The following KIF3A variants were observed in gnomAD, a reference collection of about 807,000 sequenced individuals.
KIF3A encodes kinesin family member 3A, also known as kinesin-like protein KIF3A.
KIF3A carries 27 observed loss-of-function variants against 92.6 expected under a neutral mutation model. That is an observed-to-expected ratio of 0.29 (90% CI 0.21 to 0.40). The LOEUF (loss-of-function observed/expected upper bound fraction) is 0.40. Ranked by LOEUF, KIF3A falls within the 10% of genes least tolerant of loss-of-function variation. The probability of loss-of-function intolerance (pLI) is 1.00; values close to 1 mark genes in which losing one functional copy is unlikely to be tolerated. For synonymous variants in KIF3A, 250 were observed against 275.4 expected (o/e 0.91, Z 0.92); for missense variants, 581 against 872.6 (o/e 0.67, Z 4.21).
intron 4 of KIF3A, among the ~76,000 whole-genome samples, chr5:132,721,118 C>A (rs551894718): frequency 1.3e-5 from 2 of 151,746 alleles, no homozygotes; most frequent in African/African-American, 4.8e-5. Context: ...ATTAACAAAC[C>A]GAAAAAGACA....
At chr5:132,690,350 C>A (rs1222887918), downstream of KIF3A, among the ~76,000 whole-genome samples, 3 of 152,098 alleles carry the variant, frequency 2.0e-5, no homozygotes, top group African/African-American at 7.2e-5. Flanking sequence ...ATGAACGCAC[C>A]ACTGCACTCA....
chr5:132,707,955 C>A (rs941533998), intron 10 of KIF3A, among the ~76,000 whole-genome samples: 1 of 152,194 alleles, frequency 6.6e-6, no homozygotes, highest in East Asian at 1.9e-4. Context: ...ATAAAATCCA[C>A]GTGATTCTGC....
chr5:132,735,997 C>T (rs962895519), intron 1 of KIF3A, among the ~76,000 whole-genome samples: 11 of 152,244 alleles, frequency 7.2e-5, no homozygotes, highest in African/African-American at 2.4e-4. Context: ...TCTTCAATCC[C>T]CTCTTCACTT....
At position 132,692,796 on chromosome 5, in the gene KIF3A, T is replaced by C. The variant is rs1752701092; in HGVS notation, c.*3838A>G. On this transcript the variant is annotated 3_prime_UTR_variant, in exon 19 of 19. Transcript: ENST00000403231. ...TTGTAATTTTGGCCAGCATACAGTA[T>C]TATAGTAATGCTACTGAAGTTATTC... is the stretch of plus-strand genomic sequence containing the variant. 6.5e-6 allele frequency: 1 copy of C among 152,734 alleles called. No individual in the cohort carries two copies. The allele number at this position is 152,734 out of a possible 1,614,324, so 9.5% of individuals were successfully genotyped here.
intron 2 of KIF3A, among the ~76,000 whole-genome samples, chr5:132,733,680 T>C (rs1581104248): frequency 6.6e-6 from 1 of 152,162 alleles, no homozygotes; most frequent in African/African-American, 2.4e-5. Context: ...AGTGAGAGGA[T>C]AGCTTCAGCC....
intron 5 of KIF3A, 30 bp from the exon 6 acceptor site, chr5:132,717,014 G>C: frequency 6.2e-7 from 1 of 1,600,994 alleles, no homozygotes; most frequent in East Asian, 2.2e-5. Flanking sequence ...TCCTTTAAAA[G>C]TGTAACAGAG....
chr5:132,717,049 T>A, intron 5 of KIF3A, 65 bp from the exon 6 acceptor site: 1 of 1,490,204 alleles, frequency 6.7e-7, no homozygotes, highest in Non-Finnish European at 9.2e-7. Context: ...TAATTAAACA[T>A]CCTGAACAGT....
At position 132,726,149 on chromosome 5, in the gene KIF3A, C is replaced by T; in HGVS notation, c.489G>A (p.Lys163=). ...YNEEVRDLLG[K]DQTQRLEVKE... ...TTACCTCTAACCTTTGTGTCTGATC[C>T]TTGCCCAAAAGGTCACGAACTTCTT... Residue 163 remains lysine, a synonymous_variant, in exon 4 of 19, where the codon AAG becomes AAA. Coordinates refer to ENST00000403231, the MANE Select transcript of KIF3A (RefSeq NM_001300791.2). 1 of 1,611,438 alleles carries T rather than the reference C, an allele frequency of 6.2e-7. No individual in the cohort carries two copies. Among genetic ancestry groups the T allele is most frequent in the Middle Eastern group, 1.7e-4 (1 of 6,048 alleles).
chr5:132,718,581 A>G (rs1753715457), intron 5 of KIF3A, among the ~76,000 whole-genome samples: 1 of 152,018 alleles, frequency 6.6e-6, no homozygotes, highest in Non-Finnish European at 1.5e-5. Flanking sequence ...GAGTGCTGGG[A>G]TTATATGCAT....
At chr5:132,726,096 A>G in intron 4 of KIF3A, 32 bp downstream of exon 4, 1 of 1,483,072 alleles carries the variant, frequency 6.7e-7, no homozygotes, top group South Asian at 1.2e-5. Flanking sequence ...TTGCTTTGGA[A>G]AAAGTACTCC....
chr5:132,715,128 A>T (rs1753574397), intron 8 of KIF3A, among the ~76,000 whole-genome samples: 1 of 152,166 alleles, frequency 6.6e-6, no homozygotes, highest in African/African-American at 2.4e-5. Context: ...CTCTGTACCA[A>T]TCAGAAAGGA....
intron 8 of KIF3A, among the ~76,000 whole-genome samples, chr5:132,711,342 A>G (rs956032722): frequency 2.6e-5 from 4 of 152,226 alleles, no homozygotes; most frequent in Non-Finnish European, 5.9e-5. Context: ...CTGTAATCCC[A>G]GCACTTTAAG....
chr5:132,692,196 C>A (rs528883726), downstream of KIF3A, among the ~76,000 whole-genome samples: 7 of 152,044 alleles, frequency 4.6e-5, no homozygotes, highest in African/African-American at 7.2e-5. Flanking sequence ...CATGTTGTCA[C>A]TTATAAGTGG....
At chr5:132,725,784 T>C (rs1216706032) in intron 4 of KIF3A, among the ~76,000 whole-genome samples, 1 of 152,210 alleles carries the variant, frequency 6.6e-6, no homozygotes, top group East Asian at 1.9e-4. Context: ...TGGCAGCTAC[T>C]GCTGTTCTAC....
At chr5:132,701,974 A>T (rs1262641734) in intron 15 of KIF3A, 113 bp downstream of exon 15, 1 of 1,167,746 alleles carries the variant, frequency 8.6e-7, no homozygotes, top group African/African-American at 1.5e-5. Flanking sequence ...TTTGTTCAAA[A>T]AATTGTACAT....
chr5:132,696,924 AC>A (rs951967963), intron 18 of KIF3A, among the ~76,000 whole-genome samples: 21 of 152,314 alleles, frequency 1.4e-4, no homozygotes, highest in African/African-American at 5.1e-4. Flanking sequence ...GAAGGATAGG[AC>A]AGGTGATAAT....
At chr5:132,689,986 G>A (rs775824608), downstream of KIF3A, among the ~76,000 whole-genome samples, 11 of 152,210 alleles carry the variant, frequency 7.2e-5, no homozygotes, top group Admixed American at 2.6e-4. Flanking sequence ...TTGGGAAGCT[G>A]AGGCAGGCAG....
chr5:132,716,511 T>C (rs1353824758), intron 6 of KIF3A, 69 bp from the exon 7 acceptor site: 7 of 1,291,742 alleles, frequency 5.4e-6, no homozygotes, highest in Non-Finnish European at 7.6e-6. Context: ...CCCAAGGTTT[T>C]ATTAAAAAGT....
At chr5:132,736,517 C>A (rs1470226169) in intron 1 of KIF3A, among the ~76,000 whole-genome samples, 2 of 152,198 alleles carry the variant, frequency 1.3e-5, no homozygotes, top group Admixed American at 6.5e-5. Flanking sequence ...AGTTCAAGAA[C>A]CTGACTGGTG....
Sources: allele counts gnomAD v4.1 joint callset (sites outside exome capture counted in the v4.1 genomes callset), GRCh38; gene constraint gnomAD v4.1.1; transcripts MANE v1.5; gene names NCBI Gene and HGNC (gene_info 2026-07-23, HGNC 2026-07-21).